RGS5: variants seen among roughly 807,000 people sequenced by gnomAD.
RGS5 encodes regulator of G protein signaling 5.
In RGS5, 20 loss-of-function variants were observed where a neutral mutation model predicts 18.9. That is an observed-to-expected ratio of 1.06 (90% CI 0.74 to 1.54). RGS5 has a LOEUF of 1.54. RGS5 is among the 40% of genes most tolerant of loss of function. The pLI is 0.00. For missense variants in RGS5, 201 were observed against 211.8 expected (o/e 0.95, Z 0.32); for synonymous variants, 57 against 76.2 (o/e 0.75, Z 1.31).
intron 1 of RGS5, chr1:163,211,679 T>C (rs1032790158): frequency 2.6e-5 from 4 of 152,144 alleles, no homozygotes; most frequent in South Asian, 2.1e-4. Context: ...TCACCACATA[T>C]GATATATGAG....
chr1:163,279,484 A>C (rs1437438236), intron 2 of RGS5, among the ~76,000 whole-genome samples: 1 of 152,024 alleles, frequency 6.6e-6, no homozygotes, highest in Non-Finnish European at 1.5e-5. Flanking sequence ...ATGAAAATAA[A>C]AGCACAACAT....
intron 2 of RGS5, among the ~76,000 whole-genome samples, chr1:163,254,495 G>T (rs1648214691): frequency 6.7e-6 from 1 of 149,776 alleles, no homozygotes; most frequent in Non-Finnish European, 1.5e-5. Flanking sequence ...TTTTGATGGG[G>T]TTGTTTTTTT....
chr1:163,172,563 C>T (rs999794069), intron 1 of RGS5: 72 of 1,549,720 alleles, frequency 4.6e-5, no homozygotes, highest in Non-Finnish European at 5.9e-5. Context: ...CATACCAGAA[C>T]ATCAGGTTAC....
intron 2 of RGS5, among the ~76,000 whole-genome samples, chr1:163,263,029 C>T (rs1037412286): frequency 6.6e-6 from 1 of 152,136 alleles, no homozygotes; most frequent in East Asian, 1.9e-4. Flanking sequence ...CTGCTTCCTA[C>T]CCACAGCCAA....
chr1:163,240,453 T>C (rs12731944), intron 2 of RGS5, among the ~76,000 whole-genome samples: 29,687 of 151,350 alleles, frequency 0.2, 3,355 homozygotes, highest in Non-Finnish European at 0.25. Context: ...CTAGACCATA[T>C]GCATCAGGAG....
chr1:163,195,983 C>T (rs746550098), intron 1 of RGS5, among the ~76,000 whole-genome samples: 78 of 152,228 alleles, frequency 5.1e-4, no homozygotes, highest in Non-Finnish European at 9.6e-4. Flanking sequence ...CTTTCTACCC[C>T]GCCACACTGC....
At chr1:163,194,609 A>G (rs567957897) in intron 1 of RGS5, among the ~76,000 whole-genome samples, 1 of 152,174 alleles carries the variant, frequency 6.6e-6, no homozygotes, top group East Asian at 1.9e-4. Flanking sequence ...CCTTTCCCAC[A>G]TGTTATATAG....
intron 1 of RGS5, chr1:163,319,252 C>G (rs1208131480): frequency 2.0e-5 from 3 of 152,232 alleles, no homozygotes; most frequent in Non-Finnish European, 4.4e-5. Context: ...AAGGTCCACT[C>G]AGTCCTGATA....
At chr1:163,257,032 A>G (rs1399137358) in intron 2 of RGS5, among the ~76,000 whole-genome samples, 2 of 152,102 alleles carry the variant, frequency 1.3e-5, no homozygotes, top group African/African-American at 4.8e-5. Flanking sequence ...CTCAGCACAT[A>G]TATTTTTTGA....
chr1:163,168,247 TC>T lies in RGS5; in HGVS notation c.155+10del. The T allele has an allele frequency of 6.3e-7, 1 of 1,592,192 alleles. No homozygotes were observed. Among genetic ancestry groups the T allele is most frequent in the Non-Finnish European group, 8.6e-7 (1 of 1,160,140 alleles). On this transcript the variant is annotated intron_variant, in intron 2 of 4. Coordinates refer to ENST00000313961, the MANE Select transcript of RGS5 (RefSeq NM_003617.4). ...TGGAGGAAATGAGTGGAATCCATAT[TC>T]ATGACTCACTTCTGGGTCTTGGCTG...
At chr1:163,183,936 A>G (rs1010892317) in intron 1 of RGS5, among the ~76,000 whole-genome samples, 6 of 152,226 alleles carry the variant, frequency 3.9e-5, no homozygotes, top group African/African-American at 1.4e-4. Context: ...AAAATTTCAC[A>G]TAAGTTTTCG....
chr1:163,190,943 T>G (rs1659323106), intron 1 of RGS5, among the ~76,000 whole-genome samples: 1 of 152,162 alleles, frequency 6.6e-6, no homozygotes. Flanking sequence ...GACATGCTGA[T>G]GACCATCAGA....
intron 2 of RGS5, among the ~76,000 whole-genome samples, chr1:163,241,456 T>C (rs1647791038): frequency 6.6e-6 from 1 of 152,226 alleles, no homozygotes; most frequent in African/African-American, 2.4e-5. Context: ...CTCCCCTACC[T>C]GAAGAAACTT....
chr1:163,295,847 T>G (rs1357988536), intron 2 of RGS5, among the ~76,000 whole-genome samples: 1 of 152,192 alleles, frequency 6.6e-6, no homozygotes, highest in African/African-American at 2.4e-5. Context: ...AACATGGTAT[T>G]TATAAGACCA....
chr1:163,305,525 T>C (rs11580672), intron 2 of RGS5, among the ~76,000 whole-genome samples: 14,163 of 152,292 alleles, frequency 0.093, 888 homozygotes, highest in Non-Finnish European at 0.14. Context: ...CAAGTAGTCA[T>C]TACTTTGGTG....
chr1:163,293,297 C>T (rs1202053068), intron 2 of RGS5, among the ~76,000 whole-genome samples: 1 of 152,160 alleles, frequency 6.6e-6, no homozygotes, highest in African/African-American at 2.4e-5. Context: ...CACAGTTCCA[C>T]ATGACTGGGA....
At chr1:163,254,369 T>A (rs1557920809) in intron 2 of RGS5, among the ~76,000 whole-genome samples, 1 of 152,164 alleles carries the variant, frequency 6.6e-6, no homozygotes, top group Non-Finnish European at 1.5e-5. Context: ...GGTATCTCAT[T>A]GTGGTTTTGA....
intron 2 of RGS5, among the ~76,000 whole-genome samples, chr1:163,290,814 C>A (rs1649264194): frequency 6.6e-6 from 1 of 152,034 alleles, no homozygotes; most frequent in Non-Finnish European, 1.5e-5. Flanking sequence ...TATATGAGAT[C>A]AACCAGTCTA....
chr1:163,290,612 A>G (rs1279438233), intron 2 of RGS5, among the ~76,000 whole-genome samples: 12 of 151,248 alleles, frequency 7.9e-5, no homozygotes, highest in Admixed American at 7.9e-4. Context: ...CAACCAGCCC[A>G]TATTTAGGGA....
Sources: allele counts gnomAD v4.1 joint callset (sites outside exome capture counted in the v4.1 genomes callset), GRCh38; gene constraint gnomAD v4.1.1; transcripts MANE v1.5; gene names NCBI Gene and HGNC (gene_info 2026-07-23, HGNC 2026-07-21).